GLP2R: variants seen among roughly 807,000 people sequenced by gnomAD.
The protein encoded by GLP2R is glucagon-like peptide 2 receptor.
Under a neutral mutation model 68.2 loss-of-function variants are expected in GLP2R, and 59 were observed. That is an observed-to-expected ratio of 0.87 (90% CI 0.70 to 1.07). GLP2R has a LOEUF of 1.07. Among genes scored for constraint, GLP2R ranks in the 50% least tolerant of loss-of-function variants. GLP2R has a pLI of 0.00. For synonymous variants in GLP2R, 270 were observed against 265.4 expected, an observed-to-expected ratio of 1.02 and a Z score of -0.17; for missense variants, 548 against 677.4, an observed-to-expected ratio of 0.81 and a Z score of 2.12.
intron 6 of GLP2R, among the ~76,000 whole-genome samples, chr17:9,858,638 A>C (rs2066955590): frequency 6.6e-6 from 1 of 152,232 alleles, no homozygotes; most frequent in East Asian, 1.9e-4. Flanking sequence ...TAAGTTTTAA[A>C]CTATGGATTA....
At chr17:9,886,534 C>T (rs16958900) in intron 11 of GLP2R, among the ~76,000 whole-genome samples, 4,461 of 152,318 alleles carry the variant, frequency 0.029, 246 homozygotes, top group African/African-American at 0.1. Flanking sequence ...ACCTGTCCCG[C>T]CAACCGCATA....
intron 9 of GLP2R, chr17:9,866,389 A>C: frequency 6.0e-6 from 1 of 165,648 alleles, no homozygotes; most frequent in Non-Finnish European, 1.3e-5. Context: ...ACTGGCATCT[A>C]GTGGGTGGAG....
intron 3 of GLP2R, among the ~76,000 whole-genome samples, chr17:9,837,103 C>A (rs1885791840): frequency 1.3e-5 from 2 of 152,276 alleles, no homozygotes; most frequent in Admixed American, 1.3e-4. Context: ...GATCCACCCG[C>A]CTCCGCCTCC....
chr17:9,858,541 T>C (rs1463399970), intron 6 of GLP2R, among the ~76,000 whole-genome samples: 1 of 152,266 alleles, frequency 6.6e-6, no homozygotes, highest in Non-Finnish European at 1.5e-5. Context: ...TCTGGAAGAA[T>C]GTATTAAAGA....
Position 9,825,966 on chromosome 17 carries a change from T to G in GLP2R, c.-98T>G, listed in dbSNP as rs2066622332. ...CGTGGAGAGGATTTGTGCAAACATT[T>G]CCTCTGTGGACCAAGAGGAATGCAA... On this transcript the variant is annotated 5_prime_UTR_variant, in exon 1 of 13. Transcript: ENST00000262441. 3.0e-6 allele frequency: 3 copies of G among 993,770 alleles called. No homozygotes were observed. Among genetic ancestry groups the G allele is most frequent in the Non-Finnish European group, 4.5e-6 (3 of 662,352 alleles). The allele number at this position is 993,770 out of a possible 1,614,324, so 61.6% of individuals were successfully genotyped here.
chr17:9,879,286 TAAAATAAATAAAATAAAATAAAATA>T (rs1438770847), intron 10 of GLP2R, among the ~76,000 whole-genome samples: 70 of 56,672 alleles, frequency 1.2e-3, no homozygotes, highest in East Asian at 4.7e-3. Context: ...TAAAATAAAA[TAAAATAAATAAAATAAAATAAAATA>T]AAATAAAATA....
At position 9,833,807 on chromosome 17, in the gene GLP2R, G is replaced by A. The variant is rs771468431; in HGVS notation, c.190G>A (p.Val64Ile). Residue 64 changes from valine (V) to isoleucine (I), a missense_variant and splice_region_variant, in exon 2 of 13, where the codon GTT (valine) becomes ATT (isoleucine). Physicochemically the swap from Val to Ile is conservative, Grantham distance 29. Transcript: ENST00000262441. Reference sequence around the variant, plus strand: ...GGTGACCATGTTTTTGTTTGCTCAGGTTACAGGATCCCTCCTTGAGGAAAC... The same window carrying A: ...GGTGACCATGTTTTTGTTTGCTCAGATTACAGGATCCCTCCTTGAGGAAAC... ...TLVLLVSIKQ[V>I]TGSLLEETTR... The A allele has an allele frequency of 5.1e-5, 81 of 1,603,436 alleles. No individual in the cohort carries two copies. Among genetic ancestry groups the A allele is most frequent in the Non-Finnish European group, 6.9e-5 (81 of 1,171,920 alleles).
At chr17:9,848,190 T>C (rs2066858920) in intron 4 of GLP2R, among the ~76,000 whole-genome samples, 1 of 152,206 alleles carries the variant, frequency 6.6e-6, no homozygotes, top group Non-Finnish European at 1.5e-5. Flanking sequence ...CAAGAATTTG[T>C]CTGACTTTTT....
chr17:9,865,806 G>T (rs1361426326), intron 9 of GLP2R: 3 of 470,948 alleles, frequency 6.4e-6, no homozygotes, highest in South Asian at 3.1e-5. Context: ...AGAGGACATT[G>T]CTTAACTATT....
chr17:9,860,602 A>T (rs569729402), intron 7 of GLP2R, among the ~76,000 whole-genome samples: 251 of 152,268 alleles, frequency 1.6e-3, no homozygotes, highest in African/African-American at 5.7e-3. Flanking sequence ...TCCTGTCATG[A>T]GGACCCCACC....
Position 9,842,726 on chromosome 17 carries a change from G to A in GLP2R, c.504+110G>A, listed in dbSNP as rs114548018. The stretch of plus-strand genomic sequence containing the variant: ...GGCCACACAAAGAGGCTTCTCCAGC[G>A]CCTCTCCCCGGGGAAGCTAAGGAAG... On this transcript the variant is annotated intron_variant, in intron 4 of 12. Coordinates refer to ENST00000262441, the MANE Select transcript of GLP2R (RefSeq NM_004246.3). 4.9e-4 allele frequency: 591 copies of A among 1,201,060 alleles called. 4 individuals are homozygous for A. In the African/African-American group the frequency reaches 8.0e-3, roughly 16 times the overall value. The allele number at this position is 1,201,060 out of a possible 1,614,324, so 74.4% of individuals were successfully genotyped here.
intron 3 of GLP2R, among the ~76,000 whole-genome samples, chr17:9,841,017 A>AT (rs2066781126): frequency 1.4e-5 from 1 of 72,158 alleles, no homozygotes; most frequent in African/African-American, 6.0e-5. Flanking sequence ...TGGTGTGGCT[A>AT]ATTTTTTTTT....
chr17:9,891,704 A>G lies in GLP2R; in HGVS notation c.*1999A>G, dbSNP rs997773156. The stretch of plus-strand genomic sequence containing the variant: ...AAAGGCATCAGGCAAGTAATGAAGC[A>G]AAGGTTTATTTTTTGGTGTCCAGAT... On this transcript the variant is annotated 3_prime_UTR_variant, in exon 13 of 13. Coordinates refer to ENST00000262441, the MANE Select transcript of GLP2R (RefSeq NM_004246.3). The G allele has an allele frequency of 1.3e-5, 2 of 152,230 alleles. No individual in the cohort carries two copies. Among genetic ancestry groups the G allele is most frequent in the Non-Finnish European group, 2.9e-5 (2 of 68,036 alleles). The allele number at this position is 152,230 out of a possible 1,614,324, so 9.4% of individuals were successfully genotyped here.
chr17:9,876,435 A>G (rs1022846100), intron 10 of GLP2R, among the ~76,000 whole-genome samples: 1 of 152,220 alleles, frequency 6.6e-6, no homozygotes, highest in African/African-American at 2.4e-5. Context: ...TTTAATGCAC[A>G]GTGGACAGTC....
At chr17:9,837,459 G>A (rs751564619) in intron 3 of GLP2R, among the ~76,000 whole-genome samples, 9 of 139,632 alleles carry the variant, frequency 6.4e-5, no homozygotes, top group African/African-American at 2.4e-4. Flanking sequence ...AGAAACAGGT[G>A]GGGGAGAAAG....
rs1252912475 is a variant in GLP2R at position 9,890,004 on chromosome 17, A to G, written c.*299A>G. 2.0e-6 allele frequency: 1 copy of G among 508,098 alleles called. No homozygotes were observed. 31.5% of individuals were successfully genotyped at this position (508,098 alleles called of 1,614,324 possible). ...TCAAGCCAATGAAGTCCCACCATGA[A>G]GAGAGGTCTCCTGTTATAGAGAAGC... On this transcript the variant is annotated 3_prime_UTR_variant, in exon 13 of 13. Transcript: ENST00000262441.
chr17:9,869,172 C>T (rs747011153), intron 9 of GLP2R, among the ~76,000 whole-genome samples: 7 of 152,150 alleles, frequency 4.6e-5, no homozygotes, highest in African/African-American at 1.4e-4. Flanking sequence ...TCTCCATCAC[C>T]GTCCCCCAGG....
chr17:9,845,467 C>T (rs1473855517), intron 4 of GLP2R, among the ~76,000 whole-genome samples: 1 of 152,174 alleles, frequency 6.6e-6, no homozygotes, highest in Non-Finnish European at 1.5e-5. Flanking sequence ...GTTGAAAATA[C>T]CCGCTTTGCA....
At chr17:9,880,240 T>G in intron 10 of GLP2R, 138 bp from the exon 11 acceptor site, 1 of 630,590 alleles carries the variant, frequency 1.6e-6, no homozygotes, top group Middle Eastern at 2.6e-4. Context: ...AAGCGTTAAA[T>G]GTTGTAGTGA....
Sources: allele counts gnomAD v4.1 joint callset (sites outside exome capture counted in the v4.1 genomes callset), GRCh38; gene constraint gnomAD v4.1.1; transcripts MANE v1.5; gene names NCBI Gene and HGNC (gene_info 2026-07-23, HGNC 2026-07-21).